SF3B1: variants seen among roughly 807,000 people sequenced by gnomAD.
The protein encoded by SF3B1 is pre-mRNA processing 10.
SF3B1 carries 12 observed loss-of-function variants against 153.8 expected under a neutral mutation model. The observed-to-expected ratio is 0.08, with a 90% CI of 0.05 to 0.13. SF3B1 has a LOEUF of 0.13. SF3B1 is among the 10% of genes least tolerant of loss of function. The pLI is 1.00. For synonymous variants in SF3B1, 498 were observed against 525.2 expected (o/e 0.95, Z 0.71); for missense variants, 513 against 1,606.1 (o/e 0.32, Z 11.63).
rs190491889 is a variant in SF3B1, at chr2:197,416,716, A to G, written c.666+25T>C. The G allele has an allele frequency of 3.1e-6, 5 of 1,594,222 alleles. No individual in the cohort carries two copies. In the South Asian group the frequency reaches 3.4e-5, roughly 11 times the overall value. On this transcript the variant is annotated intron_variant, in intron 6 of 24. Transcript: ENST00000335508. ...AACAGAAAAAAATTTTTTAACAGTAATAACAAAAAACAAAAAGAAATTACC... is the reference window on the plus strand; with the variant it reads ...AACAGAAAAAAATTTTTTAACAGTAGTAACAAAAAACAAAAAGAAATTACC...
chr2:197,405,243 A>G (rs772975290), intron 10 of SF3B1, 32 bp downstream of exon 10: 2 of 1,598,212 alleles, frequency 1.3e-6, no homozygotes, highest in South Asian at 1.1e-5. Context: ...CTGGAACACA[A>G]TTAATAGTTT....
chr2:197,428,078 C>T (rs759837618), intron 1 of SF3B1, among the ~76,000 whole-genome samples: 23 of 151,834 alleles, frequency 1.5e-4, no homozygotes, highest in Non-Finnish European at 3.1e-4. Flanking sequence ...CTTTGGGATG[C>T]CCAGGCAGGC....
At chr2:197,403,175 A>C (rs1172974490) in intron 12 of SF3B1, 140 bp from the exon 13 acceptor site, 1 of 672,150 alleles carries the variant, frequency 1.5e-6, no homozygotes, top group Non-Finnish European at 2.5e-6. Context: ...TAAGAATTTT[A>C]ATTATACAAG....
In SF3B1 at chr2:197,423,991, C is replaced by T. The variant is rs377538304; in HGVS notation, c.29-17G>A. 1.3e-6 allele frequency: 2 copies of T among 1,590,494 alleles called. No individual in the cohort carries two copies. Among genetic ancestry groups the T allele is most frequent in the African/African-American group, 2.7e-5 (2 of 73,280 alleles). Reference sequence around the variant, plus strand: ...CTTCAATATCTATAAAAAGATAACACAGACTTTCTTAATTTCACTTTCCAA... The same window carrying T: ...CTTCAATATCTATAAAAAGATAACATAGACTTTCTTAATTTCACTTTCCAA... On this transcript the variant is annotated splice_polypyrimidine_tract_variant and intron_variant, in intron 1 of 24. Transcript: ENST00000335508.
intron 4 of SF3B1, chr2:197,419,241 C>T (rs1023067607): frequency 5.1e-6 from 2 of 395,942 alleles, no homozygotes; most frequent in Admixed American, 4.2e-5. Context: ...AAACATATTA[C>T]TTTAAATATA....
At chr2:197,421,221 A>G (rs749091819) in intron 2 of SF3B1, 88 bp from the exon 3 acceptor site, 4 of 865,422 alleles carry the variant, frequency 4.6e-6, no homozygotes, top group Middle Eastern at 2.2e-4. Context: ...AATGAAATCA[A>G]AAGATCTATT....
At position 197,416,879 on chromosome 2, in the gene SF3B1, A is replaced by C. The variant is rs2106005153; in HGVS notation, c.528T>G (p.Ala176=). The C allele has an allele frequency of 6.2e-7, 1 of 1,613,492 alleles. No individual in the cohort carries two copies. Among genetic ancestry groups the C allele is most frequent in the East Asian group, 2.2e-5 (1 of 44,862 alleles). The change falls in exon 6 of 25, where the codon GCT becomes GCG. Residue 176 remains alanine (A), a synonymous_variant. Coordinates refer to ENST00000335508, the MANE Select transcript of SF3B1 (RefSeq NM_012433.4). ...TGACGACTTTTAGTTCTCCAGCTTT[A>C]GCTTTTTCTGCTAGCTGTTGCCTAA... ...REIRQQLAEK[A]KAGELKVVNG... is the part of the protein sequence containing the mutation.
chr2:197,418,486 A>G (rs2085190459), intron 5 of SF3B1, 23 bp downstream of exon 5: 2 of 1,559,252 alleles, frequency 1.3e-6, no homozygotes, highest in Non-Finnish European at 1.8e-6. Flanking sequence ...ACAACCATTA[A>G]AACAGGAGAC....
rs756320802 is a variant in SF3B1, at chr2:197,395,632, T to G, written c.3539+424A>C. 2.2e-4 allele frequency among the ~76,000 whole-genome samples: 33 copies of G among 152,126 alleles called. 1 individual carries two copies. In the South Asian group the frequency reaches 3.1e-3, roughly 14 times the overall value. On this transcript the variant is annotated intron_variant, in intron 23 of 24. Coordinates refer to ENST00000335508, the MANE Select transcript of SF3B1 (RefSeq NM_012433.4). ...GGGACCTGCAACAGGAAGAGTGTAG[T>G]TCTGGCAGGCTATTGTTCAGTAATT... is the stretch of plus-strand genomic sequence containing the variant.
chr2:197,409,009 T>C (rs556534896), intron 7 of SF3B1, among the ~76,000 whole-genome samples: 127 of 152,344 alleles, frequency 8.3e-4, no homozygotes, highest in African/African-American at 2.9e-3. Flanking sequence ...CAGTGGTTCA[T>C]GCCTGTAATT....
At chr2:197,419,710 T>C (rs1227765125) in intron 4 of SF3B1, 1 of 222,766 alleles carries the variant, frequency 4.5e-6, no homozygotes, top group Non-Finnish European at 9.0e-6. Flanking sequence ...TTTAAATCAA[T>C]TACAATTATG....
At chr2:197,415,145 T>C (rs572973496) in intron 6 of SF3B1, among the ~76,000 whole-genome samples, 1 of 150,076 alleles carries the variant, frequency 6.7e-6, no homozygotes, top group African/African-American at 2.5e-5. Flanking sequence ...CGATAAAACA[T>C]GTTTGCTGGT....
intron 23 of SF3B1, chr2:197,393,455 CTT>C (rs762933389): frequency 7.3e-3 from 2,243 of 306,524 alleles, no homozygotes; most frequent in South Asian, 0.013. Context: ...TTCTAATTAA[CTT>C]TTTTTTTTTT....
chr2:197,428,566 T>A (rs1191904191), intron 1 of SF3B1, among the ~76,000 whole-genome samples: 1 of 152,102 alleles, frequency 6.6e-6, no homozygotes, highest in Non-Finnish European at 1.5e-5. Flanking sequence ...TGCAAATAGA[T>A]CATTTCTGAC....
In SF3B1 at chr2:197,392,400, T is replaced by G; in HGVS notation, c.3818A>C (p.Tyr1273Ser). 1 of 1,612,946 alleles carries G rather than the reference T, an allele frequency of 6.2e-7. No homozygotes were observed. Among genetic ancestry groups the G allele is most frequent in the Non-Finnish European group, 8.5e-7 (1 of 1,179,100 alleles). ...TATGAGAGCGTCCTGGGAACCAATG[T>G]AGATGGAGTTGTAAATTTTCCAATA... is the stretch of plus-strand genomic sequence containing the variant. ...DVYWKIYNSI[Y>S]IGSQDALIAH... Residue 1273 changes from tyrosine to serine, a missense_variant, in exon 25 of 25, where the codon TAC becomes TCC. Tyr to Ser is a moderately radical substitution (Grantham distance 144, BLOSUM62 -2). Around this residue, in one of 21 missense-constraint regions of SF3B1, gnomAD observed 33 missense variants for 43.5 expected, o/e 0.76. Transcript: ENST00000335508.
chr2:197,432,487 T>C, intron 1 of SF3B1, among the ~76,000 whole-genome samples: 1 of 152,250 alleles, frequency 6.6e-6, no homozygotes, highest in East Asian at 1.9e-4. Context: ...TCTTTTTATA[T>C]TTCAATCCTG....
At chr2:197,420,383 A>C in intron 4 of SF3B1, 45 bp downstream of exon 4, 1 of 1,436,222 alleles carries the variant, frequency 7.0e-7, no homozygotes, top group Non-Finnish European at 9.8e-7. Context: ...ACAACTTAAT[A>C]CAAATAAATT....
chr2:197,411,688 A>C (rs1259351707), intron 6 of SF3B1, among the ~76,000 whole-genome samples: 5 of 151,870 alleles, frequency 3.3e-5, no homozygotes, highest in African/African-American at 1.2e-4. Flanking sequence ...AAAAAGAAAA[A>C]AAGTTGGGAA....
At chr2:197,418,867 T>G in intron 4 of SF3B1, 1 of 1,567,854 alleles carries the variant, frequency 6.4e-7, no homozygotes, top group Non-Finnish European at 8.7e-7. Flanking sequence ...AAGTGATGGG[T>G]TCCTGGGTTG....
Sources: gnomAD v4.1 joint callset for allele counts (sites outside exome capture counted in the v4.1 genomes callset) on GRCh38, gnomAD v4.1.1 for gene constraint, gnomAD v4.1.1 regional missense constraint, MANE v1.5 for transcripts, NCBI Gene and HGNC (gene_info 2026-07-23, HGNC 2026-07-21) for gene names.